SLC9C1: variants seen among roughly 807,000 people sequenced by gnomAD.
The protein encoded by SLC9C1 is sodium/hydrogen exchanger 10.
SLC9C1 carries 97 observed loss-of-function variants against 140.9 expected under a neutral mutation model. That is an observed-to-expected ratio of 0.69 (90% CI 0.58 to 0.82). SLC9C1 has a LOEUF of 0.82. Among genes scored for constraint, SLC9C1 ranks in the 40% least tolerant of loss-of-function variants. SLC9C1 has a pLI of 0.00. For missense variants in SLC9C1, 1,340 were observed against 1,389.3 expected, an observed-to-expected ratio of 0.96 and a Z score of 0.56; for synonymous variants, 440 against 442.6, an observed-to-expected ratio of 0.99 and a Z score of 0.07.
rs923513566 is a variant in SLC9C1 at position 112,277,786 on chromosome 3, T to C, written c.393A>G (p.Gln131=). Residue 131 remains glutamine, a synonymous_variant, in exon 5 of 29, where the codon CAA becomes CAG. Transcript: ENST00000305815. ...LVLWHLASVN[Q]LLLKPTQWLL... ...ACCATTGGGTAGGCTTCAAAAGTAATTGATTTACAGATGCCAGATGCCAAA... is the reference window on the plus strand; with the variant it reads ...ACCATTGGGTAGGCTTCAAAAGTAACTGATTTACAGATGCCAGATGCCAAA... 2 of 1,612,662 alleles carry C rather than the reference T, an allele frequency of 1.2e-6. No homozygotes were observed. The highest frequency in any genetic ancestry group is 2.2e-5 in the East Asian group (1 of 44,830).
Position 112,262,983 on chromosome 3 carries a change from T to C in SLC9C1, c.1138A>G (p.Met380Val). ...SEMKGMPNIN[M>V]ALLLAYSDLY... ...TCAGAGTAGGCAAGCAGAAGGGCCA[T>C]GTTTATATTAGGCATCCCCTTCATT... The change falls in exon 10 of 29, where the codon ATG becomes GTG. Residue 380 changes from methionine to valine, a missense_variant. By Grantham distance (21) the Met-to-Val change is conservative (BLOSUM62 1). Transcript: ENST00000305815. The C allele has an allele frequency of 1.9e-6, 3 of 1,605,124 alleles. No homozygotes were observed. The highest frequency in any genetic ancestry group is 1.3e-5 in the African/African-American group (1 of 74,418).
rs1185204511 is a variant in SLC9C1, at chr3:112,151,852, C to T, written c.3524+5G>A. ...GATCCTGTTGAGGAAACCAGAGTGG[C>T]TTACCTGACTTTCCTTAGGTTTATT... is the stretch of plus-strand genomic sequence containing the variant. On this transcript the variant is annotated splice_donor_5th_base_variant and intron_variant, in intron 28 of 28. Transcript: ENST00000305815. 6 of 1,610,630 alleles carry T rather than the reference C, an allele frequency of 3.7e-6. No individual in the cohort carries two copies. The highest frequency in any genetic ancestry group is 5.1e-6 in the Non-Finnish European group (6 of 1,178,070).
intron 23 of SLC9C1, among the ~76,000 whole-genome samples, chr3:112,176,469 T>G (rs2077338700): frequency 1.3e-5 from 2 of 152,186 alleles, no homozygotes; most frequent in African/African-American, 4.8e-5. Context: ...AGAATCGATT[T>G]TTAACAACTG....
At position 112,287,786 on chromosome 3, in the gene SLC9C1, G is replaced by A. The variant is rs969590634; in HGVS notation, c.-87-908C>T. Among the ~76,000 whole-genome samples the A allele has an allele frequency of 3.3e-5, 5 of 152,190 alleles. No individual in the cohort carries two copies. In the South Asian group the frequency reaches 8.3e-4, roughly 25 times the overall value. On this transcript the variant is annotated intron_variant, in intron 1 of 28. Transcript: ENST00000305815. ...TTCCTGGCCGGGCACGGTGGCTCAC[G>A]CCTGTAATCCCAATACTTTGGGAGG...
chr3:112,150,326 G>A (rs558547040), intron 28 of SLC9C1, among the ~76,000 whole-genome samples: 7 of 152,192 alleles, frequency 4.6e-5, no homozygotes, highest in South Asian at 2.1e-4. Flanking sequence ...AAGTTAACTC[G>A]AGGGCTAGGG....
chr3:112,195,709 C>T (rs1030641010), intron 20 of SLC9C1, among the ~76,000 whole-genome samples: 2 of 152,064 alleles, frequency 1.3e-5, no homozygotes, highest in African/African-American at 4.8e-5. Flanking sequence ...ACAAACTTAA[C>T]TTCCATAACA....
intron 5 of SLC9C1, among the ~76,000 whole-genome samples, chr3:112,276,380 GA>G (rs34158065): frequency 6.8e-6 from 1 of 147,074 alleles, no homozygotes; most frequent in African/African-American, 2.5e-5. Flanking sequence ...ATATATATAT[GA>G]AAAAATATAT....
At chr3:112,217,316 G>T in intron 15 of SLC9C1, 126 bp downstream of exon 15, 1 of 1,092,114 alleles carries the variant, frequency 9.2e-7, no homozygotes, top group Non-Finnish European at 1.3e-6. Flanking sequence ...TAACCTGCAC[G>T]TTGTGCACAT....
intron 15 of SLC9C1, among the ~76,000 whole-genome samples, chr3:112,213,729 G>C (rs2078274487): frequency 6.6e-6 from 1 of 152,178 alleles, no homozygotes; most frequent in Non-Finnish European, 1.5e-5. Context: ...GACCTAGAAA[G>C]AGACTTAAGA....
chr3:112,161,585 A>G (rs1159953086), intron 26 of SLC9C1, among the ~76,000 whole-genome samples: 1 of 151,980 alleles, frequency 6.6e-6, no homozygotes, highest in African/African-American at 2.4e-5. Context: ...AGTTGTAGAT[A>G]TGTGGCGTTA....
At chr3:112,287,966 C>T (rs4627732) in intron 1 of SLC9C1, among the ~76,000 whole-genome samples, 10,465 of 133,600 alleles carry the variant, frequency 0.078, 439 homozygotes, top group South Asian at 0.11. Context: ...TGGCGTGAAC[C>T]GGGGAGGCGG....
chr3:112,153,757 G>T (rs73853323), intron 27 of SLC9C1, among the ~76,000 whole-genome samples: 1 of 152,164 alleles, frequency 6.6e-6, no homozygotes, highest in Non-Finnish European at 1.5e-5. Context: ...CGAAGGTCAC[G>T]TGGCTATTAA....
At chr3:112,189,318 T>G (rs529115758) in intron 20 of SLC9C1, among the ~76,000 whole-genome samples, 57 of 152,260 alleles carry the variant, frequency 3.7e-4, no homozygotes, top group East Asian at 1.3e-3. Context: ...CCTATGTCCT[T>G]AATGGTATTG....
rs1560025206 is a variant in SLC9C1 at position 112,169,320 on chromosome 3, A to G, written c.2928T>C (p.Phe976=). 2 of 1,605,988 alleles carry G rather than the reference A, an allele frequency of 1.2e-6. No homozygotes were observed. ...ATCKTVVETC[F]IPKTHLYDAF... ...CATCATACAAGTGAGTTTTGGGAAT[A>G]AAACATGTCTGGAAAAGAAGGATGT... Residue 976 remains phenylalanine, a synonymous_variant, in exon 24 of 29, where the codon TTT becomes TTC. Coordinates refer to ENST00000305815, the MANE Select transcript of SLC9C1 (RefSeq NM_183061.3).
chr3:112,185,152 C>T (rs1057147637), intron 20 of SLC9C1, among the ~76,000 whole-genome samples: 1 of 152,096 alleles, frequency 6.6e-6, no homozygotes, highest in Admixed American at 6.5e-5. Flanking sequence ...CCCAAGGTGG[C>T]CCACTCTGCT....
rs151198403 is a variant in SLC9C1 at position 112,232,184 on chromosome 3, A to T, written c.1447-698T>A. ...CCCTCATGTTTGCATCACAAAAAGG[A>T]GAATGTAGTCATTTGATCCTCTGCC... On this transcript the variant is annotated intron_variant, in intron 12 of 28. Transcript: ENST00000305815. Among the ~76,000 whole-genome samples the T allele has an allele frequency of 2.0e-3, 301 of 152,274 alleles. 1 individual carries two copies. Among genetic ancestry groups the T allele is most frequent in the African/African-American group, 6.4e-3 (266 of 41,558 alleles).
chr3:112,198,186 G>T (rs979940433), intron 20 of SLC9C1, among the ~76,000 whole-genome samples: 1 of 151,612 alleles, frequency 6.6e-6, no homozygotes, highest in African/African-American at 2.4e-5. Flanking sequence ...TTTTATATTA[G>T]GTTCATAGAT....
intron 14 of SLC9C1, among the ~76,000 whole-genome samples, chr3:112,218,947 C>T (rs1395162153): frequency 2.0e-5 from 3 of 152,176 alleles, no homozygotes; most frequent in African/African-American, 4.8e-5. Flanking sequence ...TGAATCCCAA[C>T]TCTGTAATTT....
intron 16 of SLC9C1, 60 bp from the exon 17 acceptor site, chr3:112,204,463 T>G: frequency 6.7e-7 from 1 of 1,493,688 alleles, no homozygotes; most frequent in Middle Eastern, 1.7e-4. Flanking sequence ...TACACCATTT[T>G]CCACAATAAT....
Sources: gnomAD v4.1 joint callset for allele counts (sites outside exome capture counted in the v4.1 genomes callset) on GRCh38, gnomAD v4.1.1 for gene constraint, MANE v1.5 for transcripts, NCBI Gene and HGNC (gene_info 2026-07-23, HGNC 2026-07-21) for gene names.